SEMA3G: variants seen among roughly 807,000 people sequenced by gnomAD.
SEMA3G encodes semaphorin 3G.
SEMA3G carries 70 observed loss-of-function variants against 86.2 expected under a neutral mutation model. The ratio of observed to expected loss-of-function variants is 0.81; its 90% CI spans 0.67 to 0.99. The LOEUF (loss-of-function observed/expected upper bound fraction) is 0.99, where lower values mean the gene tolerates loss of function less well. Among genes scored for constraint, SEMA3G ranks in the 50% least tolerant of loss-of-function variants. SEMA3G has a pLI of 0.00. For synonymous variants in SEMA3G, 416 were observed against 441.4 expected, an observed-to-expected ratio of 0.94 and a Z score of 0.72; for missense variants, 1,002 against 1,072.4, an observed-to-expected ratio of 0.93 and a Z score of 0.92.
In SEMA3G at chr3:52,441,290, C is replaced by G; in HGVS notation, c.787G>C (p.Val263Leu). 7 of 1,613,564 alleles carry G rather than the reference C, an allele frequency of 4.3e-6. No individual in the cohort carries two copies. The South Asian group carries it at 6.6e-5, about 15-fold the overall frequency. ...SPDGGSNHVTVSRVGRVCVND... is the reference protein window; with the variant it reads ...SPDGGSNHVTLSRVGRVCVND... ...ACGCAGACGCGGCCCACGCGGCTGA[C>G]AGTGACATGGTTCGAGCCACCATCG... Residue 263 changes from valine (V) to leucine (L), a missense_variant, in exon 7 of 16, where the codon GTC becomes CTC. Physicochemically the swap from Val to Leu is conservative, Grantham distance 32. Transcript: ENST00000231721.
At chr3:52,443,071 T>C in intron 1 of SEMA3G, 164 bp from the exon 2 acceptor site, 1 of 1,530,304 alleles carries the variant, frequency 6.5e-7, no homozygotes, top group Admixed American at 2.0e-5. Context: ...CCATGGCTCC[T>C]GGGGACAGGT....
chr3:52,435,564 C>T lies in SEMA3G; in HGVS notation c.*39G>A, dbSNP rs373867513. 53 of 1,557,874 alleles carry T rather than the reference C, an allele frequency of 3.4e-5. No individual in the cohort carries two copies. Among genetic ancestry groups the T allele is most frequent in the Non-Finnish European group, 4.3e-5 (49 of 1,147,020 alleles). On this transcript the variant is annotated 3_prime_UTR_variant, in exon 16 of 16. Transcript: ENST00000231721. ...GGAGATGCTGGGGGCTGCTAGTGGGCCCCCCAGCCCATCCTGACCACCCCT... is the reference window on the plus strand; with the variant it reads ...GGAGATGCTGGGGGCTGCTAGTGGGTCCCCCAGCCCATCCTGACCACCCCT...
At position 52,442,546 on chromosome 3, in the gene SEMA3G, C is replaced by A. The variant is rs552958467; in HGVS notation, c.339+13G>T. 6.2e-7 allele frequency: 1 copy of A among 1,613,810 alleles called. No individual in the cohort carries two copies. Among genetic ancestry groups the A allele is most frequent in the African/African-American group, 1.3e-5 (1 of 74,882 alleles). The stretch of plus-strand genomic sequence containing the variant: ...TGTCAGGTCGGGGGACCATCCCTCC[C>A]GACAGCACTCACCAAAGGATCTCTT... On this transcript the variant is annotated intron_variant, in intron 3 of 15. Transcript: ENST00000231721. This position sits in a 1 kb window ranked among gnomAD's most constrained non-coding sequence, Gnocchi z 6.1.
chr3:52,439,931 G>C lies in SEMA3G; in HGVS notation c.1311C>G (p.His437Gln). 6.2e-7 allele frequency: 1 copy of C among 1,613,906 alleles called. No homozygotes were observed. The highest frequency in any genetic ancestry group is 2.2e-5 in the East Asian group (1 of 44,880). ...LVKTHLAQQL[H>Q]QIVVDRVEAE... Reference sequence around the variant, plus strand: ...CCTCCACGCGGTCCACCACGATCTGGTGTAGCTGCTGGGCCAGGTGGGTCT... The same window carrying C: ...CCTCCACGCGGTCCACCACGATCTGCTGTAGCTGCTGGGCCAGGTGGGTCT... The change falls in exon 11 of 16, where the codon CAC becomes CAG. Residue 437 changes from histidine to glutamine, a missense_variant. Coordinates refer to ENST00000231721, the MANE Select transcript of SEMA3G (RefSeq NM_020163.3).
chr3:52,436,037 C>T lies in SEMA3G; in HGVS notation c.1915G>A (p.Gly639Arg), dbSNP rs572843419. Residue 639 changes from glycine (G) to arginine (R), a missense_variant, in exon 16 of 16, where the codon GGG becomes AGG. Gly to Arg is a moderately radical substitution (Grantham distance 125, BLOSUM62 -2). Coordinates refer to ENST00000231721, the MANE Select transcript of SEMA3G (RefSeq NM_020163.3). ...CGGCTAAGCCTGCGGAACAGCAGCC[C>T]CCGCTCCGTGTGCAAGACTCGCTCG... ...TDERVLHTER[G>R]LLFRRLSRFD... 1 of 1,612,816 alleles carries T rather than the reference C, an allele frequency of 6.2e-7. No homozygotes were observed. Among genetic ancestry groups the T allele is most frequent in the Non-Finnish European group, 8.5e-7 (1 of 1,179,586 alleles).
rs1470648785 is a variant in SEMA3G, at chr3:52,438,158, C to T, written c.1551G>A (p.Leu517=). 1.2e-6 allele frequency: 2 copies of T among 1,613,330 alleles called. No individual in the cohort carries two copies. Among genetic ancestry groups the T allele is most frequent in the Non-Finnish European group, 1.7e-6 (2 of 1,180,036 alleles). Residue 517 remains leucine (L), a synonymous_variant, in exon 14 of 16, where the codon CTG becomes CTA. Coordinates refer to ENST00000231721, the MANE Select transcript of SEMA3G (RefSeq NM_020163.3). ...YVGSRLGVAQ[L]RLHQCETYGT... is the part of the protein sequence containing the mutation. ...CGTAAGTCTCACATTGGTGCAGCCG[C>T]AGCTGGGCCACACCCAGCCGAGAGC...
chr3:52,438,251 G>A (rs1244753429), intron 13 of SEMA3G, 52 bp from the exon 14 acceptor site: 21 of 1,524,468 alleles, frequency 1.4e-5, no homozygotes, highest in South Asian at 2.3e-5. Flanking sequence ...TCGCCCACAC[G>A]CAGCCAGGCT....
At chr3:52,439,829 C>T (rs1706111650) in intron 11 of SEMA3G, 38 bp downstream of exon 11, 1 of 1,610,020 alleles carries the variant, frequency 6.2e-7, no homozygotes, top group Admixed American at 1.7e-5. Flanking sequence ...GACCCCACAC[C>T]CCTCTCCAGC....
At chr3:52,439,075 G>T (rs1578256507) in intron 12 of SEMA3G, 114 bp from the exon 13 acceptor site, 1 of 1,099,636 alleles carries the variant, frequency 9.1e-7, no homozygotes, top group East Asian at 2.5e-5. Context: ...CCCAGGCTGG[G>T]TCTTGCACTC....
At position 52,442,311 on chromosome 3, in the gene SEMA3G, G is replaced by A. The variant is rs1362754804; in HGVS notation, c.340-7C>T. 1.9e-6 allele frequency: 3 copies of A among 1,613,526 alleles called. No individual in the cohort carries two copies. In the Admixed American group the frequency reaches 5.0e-5, roughly 27 times the overall value. The stretch of plus-strand genomic sequence containing the variant: ...CGAAGTTGGCGCACTCTGTCTGCGG[G>A]GAGAAGGAGGGGGTGGTTGAGGGGT... On this transcript the variant is annotated splice_polypyrimidine_tract_variant and splice_region_variant and intron_variant, in intron 3 of 15. Coordinates refer to ENST00000231721, the MANE Select transcript of SEMA3G (RefSeq NM_020163.3). This position sits in a 1 kb window ranked among gnomAD's most constrained non-coding sequence, Gnocchi z 6.1.
Position 52,440,864 on chromosome 3 carries a change from A to G in SEMA3G, c.929-41T>C, listed in dbSNP as rs376706764. On this transcript the variant is annotated intron_variant, in intron 8 of 15. Coordinates refer to ENST00000231721, the MANE Select transcript of SEMA3G (RefSeq NM_020163.3). The stretch of plus-strand genomic sequence containing the variant: ...GAGTATGAGTGTCATGGCCACCGCC[A>G]ATGCCCTGACTCACCAGCTCTCAGC... 1.1e-4 allele frequency: 175 copies of G among 1,603,032 alleles called. No individual in the cohort carries two copies. In the Middle Eastern group the frequency reaches 5.5e-3, roughly 50 times the overall value.
intron 15 of SEMA3G, 60 bp from the exon 16 acceptor site, chr3:52,436,133 T>G: frequency 6.6e-7 from 1 of 1,514,404 alleles, no homozygotes; most frequent in Non-Finnish European, 8.8e-7. Context: ...CATCGGCTTC[T>G]CTGCCCCAGC....
chr3:52,438,059 G>A lies in SEMA3G; in HGVS notation c.1650C>T (p.Tyr550=). The part of the protein sequence containing the change: ...CAWDGASCTH[Y]RPSLGKRRFR... ...ACCGGCGCTTGCCAAGGCTGGGGCG[G>A]TAGTGGGTACAGGAGGCACCATCCC... The change falls in exon 14 of 16, where the codon TAC becomes TAT. Residue 550 remains tyrosine (Y), a synonymous_variant. Transcript: ENST00000231721. The A allele has an allele frequency of 6.2e-7, 1 of 1,613,208 alleles. No individual in the cohort carries two copies.
Position 52,439,689 on chromosome 3 carries a change from C to G in SEMA3G, c.1458G>C (p.Gln486His). The change falls in exon 12 of 16, where the codon CAG becomes CAC. Residue 486 changes from glutamine to histidine, a missense_variant. Gln to His is a conservative substitution (Grantham distance 24). Transcript: ENST00000231721. ...EPEEVVLEELQVFKVPTPITE... is the reference protein window; with the variant it reads ...EPEEVVLEELHVFKVPTPITE... ...TCAGCCCCTTGCTTACCTTAAACAC[C>G]TGGAGCTCCTCCAGAACCACTTCCT... 1 of 1,613,866 alleles carries G rather than the reference C, an allele frequency of 6.2e-7. No individual in the cohort carries two copies. The highest frequency in any genetic ancestry group is 2.2e-5 in the East Asian group (1 of 44,868).
In SEMA3G at chr3:52,443,730, A is replaced by T. The variant is rs900357393; in HGVS notation, c.116-823T>A. Among the ~76,000 whole-genome samples the T allele has an allele frequency of 3.9e-5, 6 of 152,126 alleles. 1 individual carries two copies. The highest frequency in any genetic ancestry group is 1.4e-4 in the African/African-American group (6 of 41,416). On this transcript the variant is annotated intron_variant, in intron 1 of 15. Coordinates refer to ENST00000231721, the MANE Select transcript of SEMA3G (RefSeq NM_020163.3). ...CTCCATGGATGACAGTACCTTGGGGAACTTTCCCTATTTGGGGCTTTTTCT... is the reference window on the plus strand; with the variant it reads ...CTCCATGGATGACAGTACCTTGGGGTACTTTCCCTATTTGGGGCTTTTTCT...
Position 52,443,215 on chromosome 3 carries a change from G to A in SEMA3G, c.116-308C>T, listed in dbSNP as rs1706194053. The A allele has an allele frequency of 6.0e-6, 3 of 498,186 alleles. No homozygotes were observed. In the East Asian group the frequency reaches 1.4e-4, roughly 23 times the overall value. The allele number at this position is 498,186 out of a possible 1,614,324, so 30.9% of individuals were successfully genotyped here. ...CCATCTGTGCCCTACCCAGTCCCCA[G>A]GGAAGAAGGCCCCAACCAGCAGAAA... On this transcript the variant is annotated intron_variant, in intron 1 of 15. Transcript: ENST00000231721.
At position 52,437,583 on chromosome 3, in the gene SEMA3G, G is replaced by T; in HGVS notation, c.1822C>A (p.Pro608Thr). The change falls in exon 15 of 16, where the codon CCC (proline) becomes ACC (threonine). Residue 608 changes from proline to threonine, a missense_variant. Transcript: ENST00000231721. ...AAGAGCCAGCGCACAGCAGCCTGGG[G>T]AGACTTGGGCAGGCACTCCAGGAAG... is the stretch of plus-strand genomic sequence containing the variant. ...STFLECLPKS[P>T]QAAVRWLLQR... The T allele has an allele frequency of 6.2e-7, 1 of 1,613,262 alleles. No individual in the cohort carries two copies. Among genetic ancestry groups the T allele is most frequent in the South Asian group, 1.1e-5 (1 of 91,076 alleles).
Position 52,435,651 on chromosome 3 carries a change from C to G in SEMA3G, c.2301G>C (p.Arg767=), listed in dbSNP as rs199583970. Residue 767 remains arginine (R), a synonymous_variant, in exon 16 of 16, where the codon CGG becomes CGC. Coordinates refer to ENST00000231721, the MANE Select transcript of SEMA3G (RefSeq NM_020163.3). ...GCGTCCGATTGTGCTCGGCATGCAC[C>G]CGGCTCTTCATCTTCTTGCCTAGCT... The part of the protein sequence containing the change: ...GLELGKKMKS[R]VHAEHNRTPR... The G allele has an allele frequency of 4.3e-6, 7 of 1,614,022 alleles. No individual in the cohort carries two copies. The East Asian group carries it at 1.3e-4, about 31-fold the overall frequency.
chr3:52,440,538 G>A lies in SEMA3G; in HGVS notation c.999-17C>T, dbSNP rs1309560105. 1 of 1,603,522 alleles carries A rather than the reference G, an allele frequency of 6.2e-7. No individual in the cohort carries two copies. Among genetic ancestry groups the A allele is most frequent in the Admixed American group, 1.7e-5 (1 of 58,822 alleles). On this transcript the variant is annotated splice_polypyrimidine_tract_variant and intron_variant, in intron 9 of 15. Coordinates refer to ENST00000231721, the MANE Select transcript of SEMA3G (RefSeq NM_020163.3). ...AACACGGCACTGCCGGGGCACATGG[G>A]ACAGTCAGGCCAGAGTGGCCATCAA...
Sources: allele counts gnomAD v4.1 joint callset (sites outside exome capture counted in the v4.1 genomes callset), GRCh38; gene constraint gnomAD v4.1.1; non-coding constraint Gnocchi (gnomAD v3.1); transcripts MANE v1.5; gene names NCBI Gene and HGNC (gene_info 2026-07-23, HGNC 2026-07-21).